Variants in PCDHGA3 observed in about 807,000 individuals in gnomAD.
PCDHGA3 encodes the protein protocadherin gamma subfamily A, 3, also known as protocadherin gamma-A3.
In PCDHGA3, 40 loss-of-function variants were observed where a neutral mutation model predicts 58.5. The observed-to-expected ratio is 0.68, with a 90% CI of 0.53 to 0.89. The LOEUF is 0.89. Ranked by LOEUF, PCDHGA3 falls within the 40% of genes least tolerant of loss-of-function variation. The pLI is 0.00. For synonymous variants in PCDHGA3, 530 were observed against 525.7 expected (o/e 1.01, Z -0.11); for missense variants, 1,223 against 1,195.9 (o/e 1.02, Z -0.33).
intron 2 of PCDHGA3, among the ~76,000 whole-genome samples, chr5:141,502,956 G>A (rs986743949): frequency 1.3e-5 from 2 of 148,846 alleles, no homozygotes; most frequent in African/African-American, 5.0e-5. Context: ...CGATTCTCCT[G>A]CCTCAGCCTC....
At chr5:141,365,018 G>C in intron 1 of PCDHGA3, 1 of 1,613,880 alleles carries the variant, frequency 6.2e-7, no homozygotes, top group Non-Finnish European at 8.5e-7. Context: ...GCACATCCGT[G>C]TTACGGTCCT....
In PCDHGA3 at chr5:141,502,866, C is replaced by CTTTTTTTTTTTTTTTTT. The variant is rs549047197; in HGVS notation, c.2484-2513_2484-2512insTTTTTTTTTTTTTTTTT. Among the ~76,000 whole-genome samples the CTTTTTTTTTTTTTTTTT allele has an allele frequency of 3.1e-5, 4 of 128,046 alleles. 1 individual carries two copies. 84.0% of individuals were successfully genotyped at this position (128,046 alleles called of 152,430 possible). A position where few individuals can be genotyped will look rare whatever the true frequency, so the allele number is the denominator to read the frequency against. ...GAGCTGCCTAACCCTGACTCTCTGTCTTTTTTTTTTTTTTGACAGGGAGTC... is the reference window on the plus strand; with the variant it reads ...GAGCTGCCTAACCCTGACTCTCTGTCTTTTTTTTTTTTTTTTTTTTTTTTTTTTTTTGACAGGGAGTC... On this transcript the variant is annotated intron_variant, in intron 2 of 3. Transcript: ENST00000253812.
At chr5:141,366,306 C>T (rs762823069) in intron 1 of PCDHGA3, 63 of 1,613,658 alleles carry the variant, frequency 3.9e-5, no homozygotes, top group Non-Finnish European at 4.7e-5. Context: ...GCCACCTTCA[C>T]GGTCACCGTT....
At chr5:141,361,906 G>T in intron 1 of PCDHGA3, 3 of 1,609,144 alleles carry the variant, frequency 1.9e-6, no homozygotes, top group Non-Finnish European at 2.5e-6. Flanking sequence ...GGTGACCAAG[G>T]TGGTGGCGGT....
At position 141,486,370 on chromosome 5, in the gene PCDHGA3, T is replaced by C. The variant is rs755925357; in HGVS notation, c.2425-8437T>C. Reference sequence around the variant, plus strand: ...ACCACTTGCCATTTGCCCTCAAGTCTGCCTTCAGGAACCAGTTCTCCCTGG... The same window carrying C: ...ACCACTTGCCATTTGCCCTCAAGTCCGCCTTCAGGAACCAGTTCTCCCTGG... On this transcript the variant is annotated intron_variant, in intron 1 of 3. Coordinates refer to ENST00000253812, the MANE Select transcript of PCDHGA3 (RefSeq NM_018916.4). The surrounding 1 kb of genome is among the most constrained non-coding windows in gnomAD (Gnocchi z 5.0). 8 of 1,613,988 alleles carry C rather than the reference T, an allele frequency of 5.0e-6. No individual in the cohort carries two copies. The Admixed American group carries it at 1.3e-4, about 27-fold the overall frequency.
Position 141,489,316 on chromosome 5 carries a change from T to C in PCDHGA3, c.2425-5491T>C, listed in dbSNP as rs2099685399. On this transcript the variant is annotated intron_variant, in intron 1 of 3. Transcript: ENST00000253812. This position sits in a 1 kb window ranked among gnomAD's most constrained non-coding sequence, Gnocchi z 4.5. The stretch of plus-strand genomic sequence containing the variant: ...CATGTTGTCCTTGTGCTGCTGGGGC[T>C]GGGTGTCTGGGCAGCTTCGTTACTC... The C allele has an allele frequency of 1.3e-6, 2 of 1,597,946 alleles. No individual in the cohort carries two copies. Among genetic ancestry groups the C allele is most frequent in the Admixed American group, 1.7e-5 (1 of 58,864 alleles).
chr5:141,489,942 C>T lies in PCDHGA3; in HGVS notation c.2425-4865C>T. On this transcript the variant is annotated intron_variant, in intron 1 of 3. Transcript: ENST00000253812. The surrounding 1 kb of genome is among the most constrained non-coding windows in gnomAD (Gnocchi z 4.5). ...CCCTTATCTCTGTCATCGTGCTGGA[C>T]ATCAATGATAATGCTCCAACCTTCC... 2 of 1,614,170 alleles carry T rather than the reference C, an allele frequency of 1.2e-6. No homozygotes were observed. The highest frequency in any genetic ancestry group is 1.7e-6 in the Non-Finnish European group (2 of 1,179,984).
At position 141,477,811 on chromosome 5, in the gene PCDHGA3, C is replaced by T. The variant is rs1211574518; in HGVS notation, c.2425-16996C>T. The T allele has an allele frequency of 6.2e-7, 1 of 1,614,164 alleles. No homozygotes were observed. The highest frequency in any genetic ancestry group is 8.5e-7 in the Non-Finnish European group (1 of 1,180,026). ...TCACTGATCGCAATGACAATGCCCC[C>T]CAGGTCCTATATCCTCGGCCAGGTG... is the stretch of plus-strand genomic sequence containing the variant. On this transcript the variant is annotated intron_variant, in intron 1 of 3. Transcript: ENST00000253812. The surrounding 1 kb of genome is among the most constrained non-coding windows in gnomAD (Gnocchi z 4.9).
At chr5:141,426,407 C>T (rs974898367) in intron 1 of PCDHGA3, 5 of 257,632 alleles carry the variant, frequency 1.9e-5, no homozygotes, top group African/African-American at 6.6e-5. Context: ...CCAGAAGAAA[C>T]GGTCCAGGGC....
intron 1 of PCDHGA3, chr5:141,399,954 G>A (rs1327007587): frequency 3.7e-6 from 6 of 1,612,110 alleles, no homozygotes; most frequent in Non-Finnish European, 4.2e-6. Context: ...AGGCTAGCGA[G>A]CCCGGGCTCT....
chr5:141,475,128 C>T (rs775275292), intron 1 of PCDHGA3, among the ~76,000 whole-genome samples: 3 of 151,894 alleles, frequency 2.0e-5, no homozygotes, highest in Non-Finnish European at 4.4e-5. Context: ...GGCTTTTTTT[C>T]TTTTTGAAAT....
Position 141,511,002 on chromosome 5 carries a change from C to A in PCDHGA3, c.2628C>A (p.Ser876Arg), listed in dbSNP as rs143630962. The change falls in exon 4 of 4, where the codon AGC becomes AGA. Residue 876 changes from serine to arginine, a missense_variant. Physicochemically the swap from Ser to Arg is moderately radical, Grantham distance 110. Transcript: ENST00000253812. Reference protein sequence around the residue: ...LGGGAGTMGLSARYGPQFTLQ... With the variant: ...LGGGAGTMGLRARYGPQFTLQ... ...GGGGTGCCGGCACCATGGGATTGAG[C>A]GCCCGCTACGGACCCCAGTTCACCC... The A allele has an allele frequency of 8.7e-6, 14 of 1,614,140 alleles. No homozygotes were observed. The highest frequency in any genetic ancestry group is 1.2e-5 in the Non-Finnish European group (14 of 1,180,018).
At chr5:141,383,347 G>T in intron 1 of PCDHGA3, 1 of 1,614,012 alleles carries the variant, frequency 6.2e-7, no homozygotes, top group South Asian at 1.1e-5. Flanking sequence ...AGCTCCTGGG[G>T]TTCGGTTTCC....
At chr5:141,441,005 C>T (rs772059231) in intron 1 of PCDHGA3, 1 of 152,116 alleles carries the variant, frequency 6.6e-6, no homozygotes, top group Non-Finnish European at 1.5e-5. Context: ...CTAGTTTGGC[C>T]TTGATCAAAT....
intron 1 of PCDHGA3, chr5:141,399,270 A>G (rs1318152877): frequency 1.2e-6 from 2 of 1,613,854 alleles, no homozygotes; most frequent in African/African-American, 1.3e-5. Flanking sequence ...TTAATTGTCA[A>G]TTACAAGGCG....
intron 1 of PCDHGA3, among the ~76,000 whole-genome samples, chr5:141,466,063 A>G (rs554503713): frequency 3.3e-5 from 5 of 152,268 alleles, no homozygotes; most frequent in Admixed American, 6.5e-5. Context: ...CGGAGCTTGC[A>G]GTGAGCTGAT....
chr5:141,450,489 CTGTT>C (rs1372781820), intron 1 of PCDHGA3, among the ~76,000 whole-genome samples: 4 of 150,280 alleles, frequency 2.7e-5, no homozygotes, highest in Non-Finnish European at 2.9e-5. Context: ...GTTTGTTTGT[CTGTT>C]TGTTTGTTTT....
chr5:141,396,628 A>G (rs1384822433), intron 1 of PCDHGA3: 2 of 152,210 alleles, frequency 1.3e-5, no homozygotes, highest in Non-Finnish European at 2.9e-5. Flanking sequence ...TCAAAAAAAA[A>G]AAAAACTAAT....
At chr5:141,433,604 G>A (rs2097631609) in intron 1 of PCDHGA3, among the ~76,000 whole-genome samples, 1 of 152,138 alleles carries the variant, frequency 6.6e-6, no homozygotes, top group Non-Finnish European at 1.5e-5. Flanking sequence ...GGGAGGCCGA[G>A]GCGGGTGGAT....
Sources: gnomAD v4.1 joint callset for allele counts (sites outside exome capture counted in the v4.1 genomes callset) on GRCh38, gnomAD v4.1.1 for gene constraint, Gnocchi (gnomAD v3.1) non-coding constraint, MANE v1.5 for transcripts, NCBI Gene and HGNC (gene_info 2026-07-23, HGNC 2026-07-21) for gene names.